Variants in CRLF2 observed in about 807,000 individuals in gnomAD.
The protein encoded by CRLF2 is cytokine receptor-like factor 2.
A neutral mutation model predicts 38.7 loss-of-function variants in CRLF2; 41 were observed. The ratio of observed to expected loss-of-function variants is 1.06; its 90% CI spans 0.83 to 1.37. The LOEUF is 1.37. CRLF2 is among the 40% of genes most tolerant of loss of function. The pLI is 0.00. For synonymous variants in CRLF2, 140 were observed against 128.8 expected (o/e 1.09, Z -0.59); for missense variants, 377 against 322.2 (o/e 1.17, Z -1.30).
At chrX:1,202,634 T>C in intron 3 of CRLF2, 99 bp from the exon 4 acceptor site, 1 of 1,307,492 alleles carries the variant, frequency 7.6e-7, no homozygotes, top group Non-Finnish European at 1.0e-6. Flanking sequence ...CCTCCTCCCC[T>C]TAATACCTTA....
intron 4 of CRLF2, among the ~76,000 whole-genome samples, chrX:1,199,872 A>T (rs1436456026): frequency 2.7e-5 from 4 of 148,816 alleles, no homozygotes; most frequent in Non-Finnish European, 6.0e-5. Flanking sequence ...ATATATGTGT[A>T]TATATAAGCT....
At chrX:1,195,406 T>C (rs1331643698) in intron 6 of CRLF2, among the ~76,000 whole-genome samples, 3 of 152,012 alleles carry the variant, frequency 2.0e-5, no homozygotes, top group African/African-American at 7.2e-5. Context: ...TTACCTGGAC[T>C]TCTTTAGCTT....
intron 5 of CRLF2, 146 bp from the exon 6 acceptor site, chrX:1,197,046 T>C: frequency 1.5e-6 from 1 of 688,882 alleles, no homozygotes; most frequent in Non-Finnish European, 2.3e-6. Flanking sequence ...GTTTGTTTTT[T>C]GTTTTGTTTT....
At chrX:1,210,512 G>T (rs1446073089) in intron 1 of CRLF2, among the ~76,000 whole-genome samples, 1 of 151,928 alleles carries the variant, frequency 6.6e-6, no homozygotes, top group Non-Finnish European at 1.5e-5. Flanking sequence ...GGGTTTCACC[G>T]TGTTAGCCAG....
chrX:1,196,218 C>A (rs111163209), intron 6 of CRLF2, among the ~76,000 whole-genome samples: 4 of 140,466 alleles, frequency 2.8e-5, no homozygotes, highest in African/African-American at 1.1e-4. Flanking sequence ...GACAGAGTCT[C>A]GCTCTGTCGC....
chrX:1,205,327 A>G lies in CRLF2; in HGVS notation c.349+1106T>C, dbSNP rs780173883. 3.9e-5 allele frequency among the ~76,000 whole-genome samples: 6 copies of G among 152,318 alleles called. No homozygotes were observed. In the South Asian group the frequency reaches 1.2e-3, roughly 32 times the overall value. On this transcript the variant is annotated intron_variant, in intron 3 of 7. Coordinates refer to ENST00000400841, the MANE Select transcript of CRLF2 (RefSeq NM_022148.4). Reference sequence around the variant, plus strand: ...GATTTTCAGAACTTAACTGAAAGTAACTGAAGGTAAGGAGATGAAGGGGTA... The same window carrying G: ...GATTTTCAGAACTTAACTGAAAGTAGCTGAAGGTAAGGAGATGAAGGGGTA...
At chrX:1,201,575 A>G (rs184877903) in intron 4 of CRLF2, among the ~76,000 whole-genome samples, 7 of 150,930 alleles carry the variant, frequency 4.6e-5, no homozygotes. Context: ...GATAGATGAT[A>G]CATAGATGAT....
chrX:1,202,026 GGGAT>G (rs1178763997), intron 4 of CRLF2, among the ~76,000 whole-genome samples: 4 of 151,790 alleles, frequency 2.6e-5, no homozygotes, highest in African/African-American at 9.7e-5. Flanking sequence ...TTGAAAGACA[GGGAT>G]AGAGATAAAA....
chrX:1,197,242 G>GCA (rs1422520579), intron 5 of CRLF2, among the ~76,000 whole-genome samples: 1 of 150,804 alleles, frequency 6.6e-6, no homozygotes, highest in African/African-American at 2.4e-5. Context: ...ACAGGCATCC[G>GCA]CCACCACACC....
rs2086541974 is a variant in CRLF2, at chrX:1,198,617, G to A, written c.591C>T (p.Asp197=). ...VKAMEDVYGP[D]TYPSDWSEVT... ...CCTCTGACCAGTCGCTTGGGTATGT[G>A]TCTGGCCCATATACATCCTCCATAG... is the stretch of plus-strand genomic sequence containing the variant. The change falls in exon 5 of 8, where the codon GAC becomes GAT. Residue 197 remains aspartate, a synonymous_variant. Transcript: ENST00000400841. 6.2e-7 allele frequency: 1 copy of A among 1,613,664 alleles called. No homozygotes were observed. The highest frequency in any genetic ancestry group is 1.1e-5 in the South Asian group (1 of 91,068).
At chrX:1,191,285 C>G in intron 7 of CRLF2, 125 bp from the exon 8 acceptor site, 1 of 395,502 alleles carries the variant, frequency 2.5e-6, no homozygotes, top group African/African-American at 2.1e-5. Context: ...CTCTCTCTTT[C>G]TTTTCTTTTC....
intron 2 of CRLF2, among the ~76,000 whole-genome samples, chrX:1,208,500 A>G (rs1228685779): frequency 1.3e-5 from 2 of 152,116 alleles, no homozygotes; most frequent in Non-Finnish European, 2.9e-5. Flanking sequence ...CAGAGGTTGC[A>G]GTGAGCCGAG....
chrX:1,212,647 AGTGGAG>A, exon 1 of CRLF2: 1 of 1,586,898 alleles, frequency 6.3e-7, no homozygotes, highest in Non-Finnish European at 8.7e-7. Flanking sequence ...CTGAAACAGG[AGTGGAG>A]AGTGAGGTCC....
At chrX:1,196,973 C>T in intron 5 of CRLF2, 73 bp from the exon 6 acceptor site, 2 of 1,353,792 alleles carry the variant, frequency 1.5e-6, no homozygotes, top group Non-Finnish European at 2.0e-6. Context: ...CGTGATGTTA[C>T]ATCTCATCCC....
intron 5 of CRLF2, among the ~76,000 whole-genome samples, chrX:1,198,066 A>G (rs1243406474): frequency 2.0e-5 from 3 of 152,148 alleles, no homozygotes; most frequent in African/African-American, 4.8e-5. Flanking sequence ...GAGAGGAATT[A>G]CTTTCAGATG....
chrX:1,201,340 C>CTGTG (rs781871855), intron 4 of CRLF2, among the ~76,000 whole-genome samples: 27,819 of 149,908 alleles, frequency 0.19, 3,217 homozygotes, highest in African/African-American at 0.33. Flanking sequence ...GTTTGTGTGT[C>CTGTG]TGTGTGTGTG....
intron 1 of CRLF2, among the ~76,000 whole-genome samples, chrX:1,212,099 T>C (rs1224766928): frequency 1.3e-5 from 2 of 151,534 alleles, no homozygotes; most frequent in Non-Finnish European, 2.9e-5. Context: ...AATCGTTTGA[T>C]AGATGGGTGG....
intron 5 of CRLF2, among the ~76,000 whole-genome samples, chrX:1,197,495 G>A (rs1470720799): frequency 1.3e-5 from 2 of 152,088 alleles, no homozygotes; most frequent in African/African-American, 4.8e-5. Context: ...GTTGGTGGCT[G>A]TGCTCCTTAA....
chrX:1,202,361 G>A (rs2147841268), intron 4 of CRLF2, 41 bp downstream of exon 4: 2 of 1,610,822 alleles, frequency 1.2e-6, no homozygotes, highest in East Asian at 2.2e-5. Context: ...CCTGGGGGAC[G>A]CTCAGCCACC....
Sources: allele counts gnomAD v4.1 joint callset (sites outside exome capture counted in the v4.1 genomes callset), GRCh38; gene constraint gnomAD v4.1.1; transcripts MANE v1.5; gene names NCBI Gene and HGNC (gene_info 2026-07-23, HGNC 2026-07-21).